The following RSU1 variants were observed in gnomAD, a reference collection of about 807,000 sequenced individuals.
The protein encoded by RSU1 is Ras suppressor protein 1.
RSU1 carries 26 observed loss-of-function variants against 31.1 expected under a neutral mutation model. The ratio of observed to expected loss-of-function variants is 0.84; its 90% CI spans 0.61 to 1.16. RSU1 has a LOEUF of 1.16. Ranked by LOEUF, RSU1 falls within the 50% of genes most tolerant of loss-of-function variation. The probability of loss-of-function intolerance (pLI) is 0.00; values close to 1 mark genes in which losing one functional copy is unlikely to be tolerated. For missense variants in RSU1, 320 were observed against 339.1 expected, an observed-to-expected ratio of 0.94 and a Z score of 0.44; for synonymous variants, 164 against 136.3, an observed-to-expected ratio of 1.20 and a Z score of -1.41.
intron 2 of RSU1, among the ~76,000 whole-genome samples, chr10:16,809,582 T>C (rs1838359576): frequency 6.6e-6 from 1 of 152,166 alleles, no homozygotes; most frequent in Non-Finnish European, 1.5e-5. Context: ...TACATCATCC[T>C]TTGGTTTAAA....
intron 2 of RSU1, among the ~76,000 whole-genome samples, chr10:16,815,816 C>G (rs1227150357): frequency 6.6e-6 from 1 of 152,168 alleles, no homozygotes. Flanking sequence ...GATGTCTAAG[C>G]TGACTCTTAG....
chr10:16,794,417 T>C (rs1837984557), intron 2 of RSU1, among the ~76,000 whole-genome samples: 1 of 152,224 alleles, frequency 6.6e-6, no homozygotes, highest in Non-Finnish European at 1.5e-5. Context: ...GTCCATTTTG[T>C]TTTATTTCTA....
rs13376861 is a variant in RSU1, at chr10:16,772,569, G to A, written c.161-8059C>T. Among the ~76,000 whole-genome samples the A allele has an allele frequency of 6.7e-3, 973 of 144,746 alleles. 12 individuals are homozygous for A. The highest frequency in any genetic ancestry group is 0.025 in the African/African-American group (924 of 37,020). The allele number at this position is 144,746 out of a possible 152,430, so 95.0% of individuals were successfully genotyped here. A position where few individuals can be genotyped will look rare whatever the true frequency, so the allele number is the denominator to read the frequency against. On this transcript the variant is annotated intron_variant, in intron 3 of 8. Transcript: ENST00000345264. ...GGGGAGGAAGTGACATCCAGCGAAG[G>A]GTAAGAAAAGGAAGGGTAGGAAAAA...
In RSU1 at chr10:16,780,735, C is replaced by A. The variant is rs550380981; in HGVS notation, c.160+1299G>T. Among the ~76,000 whole-genome samples, 5 of 152,266 alleles carry A rather than the reference C, an allele frequency of 3.3e-5. No individual in the cohort carries two copies. In the East Asian group the frequency reaches 9.7e-4, roughly 29 times the overall value. The stretch of plus-strand genomic sequence containing the variant: ...CCACGCTTCAAAACAGACCATGAAT[C>A]CCTTCTGAACTGAGAATCTGGTCTC... On this transcript the variant is annotated intron_variant, in intron 3 of 8. Transcript: ENST00000345264.
intron 8 of RSU1, among the ~76,000 whole-genome samples, chr10:16,602,943 G>A (rs1833736010): frequency 6.6e-6 from 1 of 152,168 alleles, no homozygotes. Context: ...AGGGGCTGGT[G>A]ACAGAACCTG....
chr10:16,742,382 C>A (rs1254923095), intron 7 of RSU1, among the ~76,000 whole-genome samples: 1 of 152,140 alleles, frequency 6.6e-6, no homozygotes, highest in Non-Finnish European at 1.5e-5. Flanking sequence ...CTGTCACCCA[C>A]TTCACTCCTT....
At chr10:16,742,115 G>A (rs1039421434) in intron 7 of RSU1, among the ~76,000 whole-genome samples, 2 of 152,096 alleles carry the variant, frequency 1.3e-5, no homozygotes, top group Admixed American at 6.6e-5. Flanking sequence ...AGTACTAGGC[G>A]TGTTAAAATC....
At chr10:16,755,584 A>AT (rs151063814) in intron 4 of RSU1, among the ~76,000 whole-genome samples, 6 of 151,742 alleles carry the variant, frequency 4.0e-5, no homozygotes, top group Middle Eastern at 3.4e-3. Flanking sequence ...TATGCTTGTC[A>AT]TTTTTTTTGT....
chr10:16,792,510 T>C (rs1837945723), intron 2 of RSU1, among the ~76,000 whole-genome samples: 1 of 152,176 alleles, frequency 6.6e-6, no homozygotes, highest in African/African-American at 2.4e-5. Context: ...GGATTACAGG[T>C]ATGAGCCACT....
At chr10:16,600,913 T>C (rs1833705993) in intron 8 of RSU1, among the ~76,000 whole-genome samples, 2 of 151,928 alleles carry the variant, frequency 1.3e-5, no homozygotes, top group African/African-American at 4.8e-5. Context: ...AAAAATTGAG[T>C]CTTATGTCAG....
chr10:16,758,029 A>T (rs940076158), intron 4 of RSU1, among the ~76,000 whole-genome samples: 9 of 152,220 alleles, frequency 5.9e-5, no homozygotes, highest in African/African-American at 1.9e-4. Context: ...TCCTGGTGGC[A>T]AGAATCTACT....
Position 16,637,457 on chromosome 10 carries a change from A to AT in RSU1, c.732-43962dup, listed in dbSNP as rs200592205. On this transcript the variant is annotated intron_variant, in intron 8 of 8. Coordinates refer to ENST00000345264, the MANE Select transcript of RSU1 (RefSeq NM_012425.4). ...GTTTATACTTGTCATTTTCCTAAGG[A>AT]TTTTTTTTTTTTTTTTAACTCATAA... 5.7e-3 allele frequency among the ~76,000 whole-genome samples: 801 copies of AT among 141,684 alleles called. 1 individual carries two copies. Among genetic ancestry groups the AT allele is most frequent in the South Asian group, 0.013 (56 of 4,342 alleles). The allele number at this position is 141,684 out of a possible 152,430, so 93.0% of individuals were successfully genotyped here.
intron 7 of RSU1, among the ~76,000 whole-genome samples, chr10:16,699,159 C>T (rs61842312): frequency 0.027 from 4,183 of 152,148 alleles, 111 homozygotes; most frequent in Non-Finnish European, 0.037. Flanking sequence ...GGAAACCGCG[C>T]GAGCGAAACA....
At chr10:16,610,358 C>T (rs185584773) in intron 8 of RSU1, among the ~76,000 whole-genome samples, 2 of 152,278 alleles carry the variant, frequency 1.3e-5, no homozygotes, top group South Asian at 2.1e-4. Context: ...GCTGACGGCC[C>T]CTTTCCTGTC....
At chr10:16,762,515 A>G (rs1051141609) in intron 4 of RSU1, among the ~76,000 whole-genome samples, 3 of 95,542 alleles carry the variant, frequency 3.1e-5, no homozygotes, top group East Asian at 4.2e-4. Context: ...TTGTAGGGAG[A>G]AAAAAAAAAA....
chr10:16,599,490 G>C (rs1833679834), intron 8 of RSU1, among the ~76,000 whole-genome samples: 1 of 152,196 alleles, frequency 6.6e-6, no homozygotes, highest in Admixed American at 6.5e-5. Context: ...CTGGAGAACA[G>C]TCTCTGGGAC....
intron 3 of RSU1, among the ~76,000 whole-genome samples, chr10:16,772,664 A>G (rs780617): frequency 6.7e-6 from 1 of 149,016 alleles, no homozygotes; most frequent in Non-Finnish European, 1.5e-5. Flanking sequence ...AAAAAAAACA[A>G]GAAAAAAAAA....
intron 8 of RSU1, among the ~76,000 whole-genome samples, chr10:16,629,865 A>G (rs1834218989): frequency 6.6e-6 from 1 of 152,198 alleles, no homozygotes; most frequent in African/African-American, 2.4e-5. Flanking sequence ...GTCTGCCACC[A>G]GACAGTCCTG....
At chr10:16,816,910 T>G (rs1444755662) in intron 2 of RSU1, 63 bp downstream of exon 2, 2 of 1,172,784 alleles carry the variant, frequency 1.7e-6, no homozygotes, top group Non-Finnish European at 2.6e-6. Flanking sequence ...GGACCAGCAG[T>G]GAATTGGCAA....
Sources: allele counts gnomAD v4.1 joint callset (sites outside exome capture counted in the v4.1 genomes callset), GRCh38; gene constraint gnomAD v4.1.1; transcripts MANE v1.5; gene names NCBI Gene and HGNC (gene_info 2026-07-23, HGNC 2026-07-21).